The following KIF24 variants were observed in gnomAD, a reference collection of about 807,000 sequenced individuals.
KIF24 encodes the protein kinesin family member 24.
A neutral mutation model predicts 118.9 loss-of-function variants in KIF24; 81 were observed. That is an observed-to-expected ratio of 0.68 (90% confidence interval 0.57 to 0.82). KIF24 has a LOEUF of 0.82. Among genes scored for constraint, KIF24 ranks in the 40% least tolerant of loss-of-function variants. The probability of loss-of-function intolerance (pLI) is 0.00; values close to 1 mark genes in which losing one functional copy is unlikely to be tolerated. For missense variants in KIF24, 1,560 were observed against 1,661.6 expected (o/e 0.94, Z 1.06); for synonymous variants, 599 against 610.0 (o/e 0.98, Z 0.27).
intron 3 of KIF24, among the ~76,000 whole-genome samples, chr9:34,303,628 T>C (rs1836807526): frequency 6.6e-6 from 1 of 152,188 alleles, no homozygotes; most frequent in South Asian, 2.1e-4. Context: ...GGCAGGTGGA[T>C]TGCTTGAGCT....
chr9:34,320,781 A>G (rs1465624186), intron 1 of KIF24, among the ~76,000 whole-genome samples: 1 of 152,056 alleles, frequency 6.6e-6, no homozygotes, highest in Non-Finnish European at 1.5e-5. Flanking sequence ...CTTTCCACAA[A>G]TTTAAGTATG....
At chr9:34,328,601 C>T (rs527860193) in intron 1 of KIF24, among the ~76,000 whole-genome samples, 1 of 152,308 alleles carries the variant, frequency 6.6e-6, no homozygotes, top group African/African-American at 2.4e-5. Flanking sequence ...AGAGAGACAA[C>T]AAGGCAGGGC....
chr9:34,325,344 C>CAAA (rs35972295), intron 1 of KIF24, among the ~76,000 whole-genome samples: 2 of 118,238 alleles, frequency 1.7e-5, no homozygotes, highest in Non-Finnish European at 3.4e-5. Flanking sequence ...GACTTCGTCT[C>CAAA]AAAAAAAAAA....
intron 6 of KIF24, among the ~76,000 whole-genome samples, chr9:34,272,317 G>C (rs910871024): frequency 1.3e-5 from 2 of 152,194 alleles, no homozygotes; most frequent in Non-Finnish European, 2.9e-5. Context: ...GTGCATTAAA[G>C]AATGACTAAT....
intron 1 of KIF24, among the ~76,000 whole-genome samples, chr9:34,321,088 G>C (rs925640951): frequency 1.4e-4 from 21 of 152,144 alleles, no homozygotes; most frequent in African/African-American, 5.1e-4. Context: ...TAACACATCA[G>C]AGACATCCAA....
At chr9:34,262,382 A>T (rs1835087827) in intron 9 of KIF24, among the ~76,000 whole-genome samples, 1 of 151,932 alleles carries the variant, frequency 6.6e-6, no homozygotes, top group Non-Finnish European at 1.5e-5. Context: ...CCTTCTCCGA[A>T]ACGCTTGGGA....
chr9:34,261,585 C>G (rs1308460000), intron 9 of KIF24, among the ~76,000 whole-genome samples: 1 of 152,132 alleles, frequency 6.6e-6, no homozygotes, highest in East Asian at 1.9e-4. Context: ...GATCTTTTAA[C>G]ATGAAAAGTT....
chr9:34,284,495 C>T (rs1310995544), intron 6 of KIF24, among the ~76,000 whole-genome samples: 1 of 151,982 alleles, frequency 6.6e-6, no homozygotes, highest in Non-Finnish European at 1.5e-5. Flanking sequence ...ATAAAACACT[C>T]TACAGAAAAT....
chr9:34,287,152 A>G (rs1405583393), intron 5 of KIF24, among the ~76,000 whole-genome samples: 1 of 152,184 alleles, frequency 6.6e-6, no homozygotes, highest in African/African-American at 2.4e-5. Context: ...TGTATCTACA[A>G]AGAGAGTTGG....
intron 6 of KIF24, among the ~76,000 whole-genome samples, chr9:34,284,828 A>G (rs1835975549): frequency 1.3e-5 from 2 of 152,146 alleles, no homozygotes; most frequent in Admixed American, 6.6e-5. Flanking sequence ...GTTTCTTTAT[A>G]CTGTACATAC....
intron 1 of KIF24, among the ~76,000 whole-genome samples, chr9:34,323,126 G>A (rs1837573033): frequency 1.3e-5 from 2 of 151,962 alleles, no homozygotes. Flanking sequence ...TAAAACAGCT[G>A]CTGCAAAGGA....
intron 3 of KIF24, among the ~76,000 whole-genome samples, chr9:34,304,630 T>C (rs377723946): frequency 3.9e-5 from 6 of 152,286 alleles, no homozygotes; most frequent in East Asian, 1.9e-4. Context: ...TGAGAACTAA[T>C]AGACCGTGCA....
Position 34,329,123 on chromosome 9 carries a change from G to A in KIF24, c.-43C>T, listed in dbSNP as rs895045491. ...TTTCTCACCTCGGTCCAAACTCCTC[G>A]GTCTGCCCTGTCTGAGAAGAGGAGA... is the stretch of plus-strand genomic sequence containing the variant. On this transcript the variant is annotated 5_prime_UTR_variant, in exon 1 of 13. Coordinates refer to ENST00000402558, the MANE Select transcript of KIF24 (RefSeq NM_194313.4). 6.6e-6 allele frequency among the ~76,000 whole-genome samples: 1 copy of A among 152,168 alleles called. No homozygotes were observed. The highest frequency in any genetic ancestry group is 1.5e-5 in the Non-Finnish European group (1 of 68,030).
intron 8 of KIF24, among the ~76,000 whole-genome samples, chr9:34,266,037 C>T (rs1240098715): frequency 3.3e-5 from 5 of 151,948 alleles, no homozygotes; most frequent in African/African-American, 9.7e-5. Flanking sequence ...TGACTACAGG[C>T]GTGTGCCACC....
chr9:34,262,712 A>ATATATG (rs1278590736), intron 9 of KIF24, among the ~76,000 whole-genome samples: 15 of 50,258 alleles, frequency 3.0e-4, no homozygotes, highest in African/African-American at 1.2e-3. Context: ...ATATATATAT[A>ATATATG]TGGCCAGGCA....
At chr9:34,316,615 A>G (rs949368106) in intron 1 of KIF24, among the ~76,000 whole-genome samples, 1 of 152,252 alleles carries the variant, frequency 6.6e-6, no homozygotes, top group African/African-American at 2.4e-5. Context: ...GTCAGCAGAT[A>G]GTCCACATCC....
chr9:34,285,940 A>AG (rs1167893135), intron 6 of KIF24, among the ~76,000 whole-genome samples: 1 of 150,916 alleles, frequency 6.6e-6, no homozygotes, highest in Non-Finnish European at 1.5e-5. Context: ...TAAAAAAAAA[A>AG]AAAAAAAAAA....
At chr9:34,285,526 G>A (rs748644631) in intron 6 of KIF24, among the ~76,000 whole-genome samples, 2 of 152,076 alleles carry the variant, frequency 1.3e-5, no homozygotes, top group African/African-American at 4.8e-5. Flanking sequence ...TGTAATCCCA[G>A]CACTTTGGGA....
intron 1 of KIF24, among the ~76,000 whole-genome samples, chr9:34,322,222 T>A (rs572882089): frequency 6.6e-6 from 1 of 152,242 alleles, no homozygotes; most frequent in Admixed American, 6.5e-5. Context: ...GAAGGGCATA[T>A]ACTCTTCTAA....
Sources: allele counts gnomAD v4.1 joint callset (sites outside exome capture counted in the v4.1 genomes callset), GRCh38; gene constraint gnomAD v4.1.1; transcripts MANE v1.5; gene names NCBI Gene and HGNC (gene_info 2026-07-23, HGNC 2026-07-21).